Variants in DST observed in about 807,000 individuals in gnomAD.
The protein encoded by DST is bullous pemphigoid antigen.
In DST, 253 loss-of-function variants were observed where a neutral mutation model predicts 875.2. The ratio of observed to expected loss-of-function variants is 0.29; its 90% confidence interval spans 0.26 to 0.32. The LOEUF (loss-of-function observed/expected upper bound fraction) is 0.32, where lower values mean the gene tolerates loss of function less well. Among genes scored for constraint, DST ranks in the 10% least tolerant of loss-of-function variants. The probability of loss-of-function intolerance (pLI) is 1.00; values close to 1 mark genes in which losing one functional copy is unlikely to be tolerated. For missense variants in DST, 8,287 were observed against 9,111.6 expected (o/e 0.91, Z 3.68); for synonymous variants, 3,124 against 3,197.1 (o/e 0.98, Z 0.77).
intron 5 of DST, among the ~76,000 whole-genome samples, chr6:56,725,595 G>C (rs1269870033): frequency 6.6e-6 from 1 of 152,150 alleles, no homozygotes; most frequent in Non-Finnish European, 1.5e-5. Context: ...GAGTTAGGTA[G>C]TTTGAAATTT....
At chr6:56,736,239 T>C (rs2099523299) in intron 4 of DST, among the ~76,000 whole-genome samples, 1 of 152,148 alleles carries the variant, frequency 6.6e-6, no homozygotes, top group African/African-American at 2.4e-5. Context: ...AACAAAGAAA[T>C]GCCCCAACTA....
intron 63 of DST, among the ~76,000 whole-genome samples, chr6:56,533,752 G>T (rs1202931747): frequency 6.6e-6 from 1 of 152,124 alleles, no homozygotes; most frequent in East Asian, 1.9e-4. Flanking sequence ...CAAATGCAAT[G>T]TGTTTCCAGT....
At chr6:56,945,161 C>A (rs1383905764) in intron 2 of DST, among the ~76,000 whole-genome samples, 1 of 152,202 alleles carries the variant, frequency 6.6e-6, no homozygotes, top group Admixed American at 6.5e-5. Flanking sequence ...TTACTTAAAT[C>A]TGAATGTCTC....
At chr6:56,647,002 G>A (rs2152790812) in intron 13 of DST, among the ~76,000 whole-genome samples, 1 of 152,298 alleles carries the variant, frequency 6.6e-6, no homozygotes, top group South Asian at 2.1e-4. Context: ...ATTTCCCCAT[G>A]ATGTATTTTC....
At chr6:56,700,150 T>A (rs879248780) in intron 8 of DST, among the ~76,000 whole-genome samples, 2 of 152,168 alleles carry the variant, frequency 1.3e-5, no homozygotes, top group African/African-American at 4.8e-5. Flanking sequence ...ATTTGAGGGA[T>A]CTAGGTTGCG....
Position 56,923,463 on chromosome 6 carries a change from CAAAA to C in DST, c.217-22846_217-22843del, listed in dbSNP as rs57118743. On this transcript the variant is annotated intron_variant, in intron 2 of 103. Transcript: ENST00000680361. ...GGATGCTGGTAAACCGGCTCACTGG[CAAAA>C]AAAAAAAAAAAAAAAAAAAAATCCT... is the stretch of plus-strand genomic sequence containing the variant. 1.9e-3 allele frequency among the ~76,000 whole-genome samples: 91 copies of C among 48,730 alleles called. 1 individual carries two copies. The East Asian group carries it at 0.046, about 25-fold the overall frequency. The allele number at this position is 48,730 out of a possible 152,430, so 32.0% of individuals were successfully genotyped here.
chr6:56,562,146 G>T lies in DST; in HGVS notation c.14060C>A (p.Ala4687Glu). 1 of 1,542,824 alleles carries T rather than the reference G, an allele frequency of 6.5e-7. No individual in the cohort carries two copies. Among genetic ancestry groups the T allele is most frequent in the Non-Finnish European group, 8.8e-7 (1 of 1,141,570 alleles). Reference sequence around the variant, plus strand: ...TTAAAATTAATACTCACCTTTATTTGCCCAAAATTCCTCAGTATTTGTGGC... The same window carrying T: ...TTAAAATTAATACTCACCTTTATTTTCCCAAAATTCCTCAGTATTTGTGGC... ...GTATNTEEFWANKGLTSIKKD... is the reference protein window; with the variant it reads ...GTATNTEEFWENKGLTSIKKD... Residue 4687 changes from alanine (A) to glutamate (E), a missense_variant, in exon 56 of 104, where the codon GCA (alanine) becomes GAA (glutamate). Ala to Glu is a moderately radical substitution (Grantham distance 107). Around this residue, in one of 10 missense-constraint regions of DST, gnomAD observed 1,513 missense variants for 1,677.8 expected, o/e 0.90. Coordinates refer to ENST00000680361, the MANE Select transcript of DST (RefSeq NM_001374736.1).
At position 56,482,047 on chromosome 6, in the gene DST, C is replaced by T. The variant is rs1245395288; in HGVS notation, c.21531+3G>A. The T allele has an allele frequency of 1.9e-6, 3 of 1,612,768 alleles. No individual in the cohort carries two copies. Among genetic ancestry groups the T allele is most frequent in the Non-Finnish European group, 1.7e-6 (2 of 1,179,294 alleles). ...CTTTACATAGCATTTATATATTACT[C>T]ACTTTATGCTGATCAATGAGAGTCC... On this transcript the variant is annotated splice_donor_region_variant and intron_variant, in intron 90 of 103. Coordinates refer to ENST00000680361, the MANE Select transcript of DST (RefSeq NM_001374736.1).
intron 2 of DST, among the ~76,000 whole-genome samples, chr6:56,927,398 G>C (rs750165557): frequency 6.6e-6 from 1 of 152,094 alleles, no homozygotes; most frequent in Non-Finnish European, 1.5e-5. Flanking sequence ...AGATCCAAAG[G>C]TTTTATAAAG....
chr6:56,507,460 C>A (rs938885831), intron 75 of DST, among the ~76,000 whole-genome samples: 22 of 152,182 alleles, frequency 1.4e-4, no homozygotes, highest in Admixed American at 3.9e-4. Context: ...CAACAGTAAA[C>A]CATACTATGT....
At chr6:56,762,506 G>C (rs762009305) in intron 4 of DST, among the ~76,000 whole-genome samples, 1 of 152,164 alleles carries the variant, frequency 6.6e-6, no homozygotes, top group South Asian at 2.1e-4. Flanking sequence ...CTCACAATTC[G>C]TACTGCATCC....
chr6:56,510,877 T>C (rs995064315), intron 73 of DST, among the ~76,000 whole-genome samples: 2 of 152,056 alleles, frequency 1.3e-5, no homozygotes, highest in African/African-American at 4.8e-5. Flanking sequence ...TATAACACTT[T>C]CCTTTATCTC....
intron 4 of DST, among the ~76,000 whole-genome samples, chr6:56,835,664 C>T (rs1469441651): frequency 6.6e-6 from 1 of 152,096 alleles, no homozygotes; most frequent in African/African-American, 2.4e-5. Context: ...CTTTATTAAC[C>T]CAGTGTCTAT....
chr6:56,734,903 G>A (rs2099517514), intron 5 of DST, among the ~76,000 whole-genome samples: 1 of 152,092 alleles, frequency 6.6e-6, no homozygotes, highest in African/African-American at 2.4e-5. Context: ...ATCTTACTAA[G>A]AAATGTAGCT....
chr6:56,914,811 A>G (rs9464408), intron 2 of DST, among the ~76,000 whole-genome samples: 4,465 of 152,334 alleles, frequency 0.029, 195 homozygotes, highest in African/African-American at 0.1. Flanking sequence ...ATGGCAAAAC[A>G]CTGGGCAATA....
At chr6:56,744,083 A>G (rs1245964020) in intron 4 of DST, among the ~76,000 whole-genome samples, 4 of 150,142 alleles carry the variant, frequency 2.7e-5, no homozygotes, top group Non-Finnish European at 5.9e-5. Context: ...CAGAAGGCGG[A>G]GTTTGCAGCG....
chr6:56,553,025 A>G lies in DST; in HGVS notation c.15767T>C (p.Met5256Thr). 1 of 1,613,944 alleles carries G rather than the reference A, an allele frequency of 6.2e-7. No individual in the cohort carries two copies. The highest frequency in any genetic ancestry group is 8.5e-7 in the Non-Finnish European group (1 of 1,179,900). ...CTTACTGTGAAGTTGTTCAGTGACC[A>G]TGTCCACCTTCTGGATCAGTGACTT... ...ENKSLIQKVDMVTEQLHSKKF... is the reference protein window; with the variant it reads ...ENKSLIQKVDTVTEQLHSKKF... Residue 5256 changes from methionine (M) to threonine (T), a missense_variant, in exon 61 of 104, where the codon ATG becomes ACG. Met to Thr is a moderately conservative substitution (Grantham distance 81). Around this residue, in one of 10 missense-constraint regions of DST, gnomAD observed 1,513 missense variants for 1,677.8 expected, o/e 0.90. Transcript: ENST00000680361.
intron 74 of DST, 79 bp from the exon 75 acceptor site, chr6:56,508,834 G>T (rs2096402316): frequency 1.7e-6 from 2 of 1,160,062 alleles, no homozygotes; most frequent in Non-Finnish European, 2.4e-6. Flanking sequence ...AGTTCACACA[G>T]AAAGTAGTGA....
chr6:56,875,072 C>G (rs1214524342), intron 3 of DST, among the ~76,000 whole-genome samples: 2 of 152,232 alleles, frequency 1.3e-5, no homozygotes, highest in African/African-American at 4.8e-5. Context: ...CAAGCTCCGC[C>G]TCCCAGGTTC....
Sources: allele counts gnomAD v4.1 joint callset (sites outside exome capture counted in the v4.1 genomes callset), GRCh38; gene constraint gnomAD v4.1.1; regional missense constraint gnomAD v4.1.1; transcripts MANE v1.5; gene names NCBI Gene and HGNC (gene_info 2026-07-23, HGNC 2026-07-21).